The following LRRTM4 variants were observed in gnomAD, a reference collection of about 807,000 sequenced individuals.
LRRTM4 encodes leucine-rich repeat transmembrane neuronal protein 4.
Under a neutral mutation model 47.6 loss-of-function variants are expected in LRRTM4, and 25 were observed. The ratio of observed to expected loss-of-function variants is 0.53; its 90% confidence interval spans 0.38 to 0.73. The LOEUF (loss-of-function observed/expected upper bound fraction) is 0.73. Among genes scored for constraint, LRRTM4 ranks in the 30% least tolerant of loss-of-function variants. The pLI, the probability that LRRTM4 is intolerant of heterozygous loss-of-function variation, is 0.00. For synonymous variants in LRRTM4, 311 were observed against 269.5 expected (o/e 1.15, Z -1.51); for missense variants, 638 against 713.4 (o/e 0.89, Z 1.20).
At position 76,911,113 on chromosome 2, in the gene LRRTM4, AT is replaced by A. The variant is rs551974430; in HGVS notation, c.1552-162198del. 3.9e-5 allele frequency among the ~76,000 whole-genome samples: 6 copies of A among 152,306 alleles called. No homozygotes were observed. In the South Asian group the frequency reaches 8.3e-4, roughly 21 times the overall value. Reference sequence around the variant, plus strand: ...TGAAACAGAAATATCTTTAAAACATATTTTTTGGTTTAATAATTACTCATTT... The same window carrying A: ...TGAAACAGAAATATCTTTAAAACATATTTTTGGTTTAATAATTACTCATTT... On this transcript the variant is annotated intron_variant, in intron 3 of 3. Transcript: ENST00000409884.
At chr2:77,267,385 C>T (rs982530973) in intron 3 of LRRTM4, among the ~76,000 whole-genome samples, 1 of 152,196 alleles carries the variant, frequency 6.6e-6, no homozygotes, top group Non-Finnish European at 1.5e-5. Context: ...AGGTCTTGGT[C>T]TTTGCTTCTA....
intron 3 of LRRTM4, among the ~76,000 whole-genome samples, chr2:77,455,164 G>C (rs1396689588): frequency 6.6e-6 from 1 of 152,148 alleles, no homozygotes; most frequent in East Asian, 1.9e-4. Context: ...CTCTAGCCTG[G>C]ATGACAGAGC....
At chr2:77,339,924 C>T (rs1224192056) in intron 3 of LRRTM4, among the ~76,000 whole-genome samples, 2 of 151,806 alleles carry the variant, frequency 1.3e-5, no homozygotes, top group South Asian at 2.1e-4. Context: ...GAATGACGCA[C>T]GTTGACAACT....
chr2:77,054,603 T>C (rs1019527944), intron 3 of LRRTM4, among the ~76,000 whole-genome samples: 1 of 152,178 alleles, frequency 6.6e-6, no homozygotes, highest in African/African-American at 2.4e-5. Context: ...CCAAACTAGA[T>C]TATTTCTCAT....
Position 77,202,318 on chromosome 2 carries a change from A to C in LRRTM4, c.1551+316000T>G, listed in dbSNP as rs183980049. Among the ~76,000 whole-genome samples the C allele has an allele frequency of 1.3e-3, 191 of 152,216 alleles. 3 individuals carry two copies. In the East Asian group the frequency reaches 0.025, roughly 20 times the overall value. ...AATCAGATTAGCTGAAATAGGAAAA[A>C]ACCCAGACACATCAATCCGGAGTTT... On this transcript the variant is annotated intron_variant, in intron 3 of 3. Coordinates refer to ENST00000409884, the MANE Select transcript of LRRTM4 (RefSeq NM_001134745.3).
At chr2:76,882,935 T>C (rs1672972523) in intron 3 of LRRTM4, among the ~76,000 whole-genome samples, 2 of 152,104 alleles carry the variant, frequency 1.3e-5, no homozygotes, top group South Asian at 4.1e-4. Context: ...CTTGGATTGT[T>C]TGCTACAGCC....
intron 3 of LRRTM4, among the ~76,000 whole-genome samples, chr2:77,303,687 A>G (rs1677198989): frequency 6.6e-6 from 1 of 152,188 alleles, no homozygotes; most frequent in Non-Finnish European, 1.5e-5. Flanking sequence ...TAGATTTCAC[A>G]TGTAAGTGAG....
chr2:76,825,891 G>C (rs1671177278), intron 3 of LRRTM4, among the ~76,000 whole-genome samples: 1 of 151,576 alleles, frequency 6.6e-6, no homozygotes, highest in African/African-American at 2.4e-5. Flanking sequence ...AGATTATGGA[G>C]TTGCAGTCTG....
At chr2:77,202,277 T>C (rs565837369) in intron 3 of LRRTM4, among the ~76,000 whole-genome samples, 1 of 152,240 alleles carries the variant, frequency 6.6e-6, no homozygotes, top group African/African-American at 2.4e-5. Flanking sequence ...GATTATATTA[T>C]CTTTATATGG....
At chr2:76,766,791 G>C (rs1673473233) in intron 3 of LRRTM4, among the ~76,000 whole-genome samples, 1 of 152,126 alleles carries the variant, frequency 6.6e-6, no homozygotes, top group African/African-American at 2.4e-5. Flanking sequence ...TGGAGATTGA[G>C]GTCTACTGGC....
rs539393494 is a variant in LRRTM4 at position 77,470,368 on chromosome 2, T to C, written c.1551+47950A>G. On this transcript the variant is annotated intron_variant, in intron 3 of 3. Coordinates refer to ENST00000409884, the MANE Select transcript of LRRTM4 (RefSeq NM_001134745.3). ...AGTTGATGCCAAATATGTTGAAAAT[T>C]ACATAAAACAGAGACCAAATAACAC... is the stretch of plus-strand genomic sequence containing the variant. 2.0e-5 allele frequency among the ~76,000 whole-genome samples: 3 copies of C among 152,280 alleles called. No homozygotes were observed. In the South Asian group the frequency reaches 6.2e-4, roughly 32 times the overall value.
intron 3 of LRRTM4, among the ~76,000 whole-genome samples, chr2:77,019,853 G>A (rs1367081976): frequency 2.0e-5 from 3 of 152,022 alleles, no homozygotes; most frequent in Admixed American, 1.3e-4. Context: ...ACTGGGTAAT[G>A]GGAAAAGGTT....
At chr2:77,052,317 T>C (rs973091809) in intron 3 of LRRTM4, among the ~76,000 whole-genome samples, 5 of 151,796 alleles carry the variant, frequency 3.3e-5, no homozygotes, top group Non-Finnish European at 5.9e-5. Context: ...TACAGGCATC[T>C]GCCACCACGC....
chr2:76,790,565 T>C (rs368365942), intron 3 of LRRTM4, among the ~76,000 whole-genome samples: 2 of 152,166 alleles, frequency 1.3e-5, no homozygotes, highest in African/African-American at 2.4e-5. Flanking sequence ...AAAATCCTAA[T>C]AGTGTTTGAC....
intron 3 of LRRTM4, among the ~76,000 whole-genome samples, chr2:76,862,303 G>T (rs2104013370): frequency 6.6e-6 from 1 of 152,180 alleles, no homozygotes; most frequent in South Asian, 2.1e-4. Context: ...CTAAGGTGAG[G>T]AAGGCTTGAA....
chr2:77,024,230 G>A (rs1480155506), intron 3 of LRRTM4, among the ~76,000 whole-genome samples: 1 of 152,106 alleles, frequency 6.6e-6, no homozygotes, highest in African/African-American at 2.4e-5. Flanking sequence ...ATGAGATTTG[G>A]GTGGGGGCAC....
chr2:77,007,975 C>T (rs1677721188), intron 3 of LRRTM4, among the ~76,000 whole-genome samples: 1 of 152,154 alleles, frequency 6.6e-6, no homozygotes. Flanking sequence ...CACACTTTTA[C>T]TGTGTTCCAG....
At chr2:77,240,304 A>G (rs906542215) in intron 3 of LRRTM4, among the ~76,000 whole-genome samples, 2 of 152,000 alleles carry the variant, frequency 1.3e-5, no homozygotes, top group Non-Finnish European at 1.5e-5. Context: ...AAGAAAAACC[A>G]TATGACCATC....
chr2:76,760,731 CA>C (rs555584116), intron 3 of LRRTM4, among the ~76,000 whole-genome samples: 2 of 151,444 alleles, frequency 1.3e-5, no homozygotes, highest in African/African-American at 4.8e-5. Flanking sequence ...TAGCGTTTTG[CA>C]AAAAAAATCA....
Sources: allele counts gnomAD v4.1 joint callset (sites outside exome capture counted in the v4.1 genomes callset), GRCh38; gene constraint gnomAD v4.1.1; transcripts MANE v1.5; gene names NCBI Gene and HGNC (gene_info 2026-07-23, HGNC 2026-07-21).